Variants in SLC16A12 observed in about 807,000 individuals in gnomAD.
The protein encoded by SLC16A12 is monocarboxylate transporter 12.
SLC16A12 carries 17 observed loss-of-function variants against 42.4 expected under a neutral mutation model. That is an observed-to-expected ratio of 0.40 (90% CI 0.27 to 0.60). SLC16A12 has a LOEUF of 0.60. Among genes scored for constraint, SLC16A12 ranks in the 20% least tolerant of loss-of-function variants. The pLI, the probability that SLC16A12 is intolerant of heterozygous loss-of-function variation, is 0.42. For missense variants in SLC16A12, 544 were observed against 623.0 expected (o/e 0.87, Z 1.35); for synonymous variants, 224 against 229.4 (o/e 0.98, Z 0.21).
rs1448744299 is a variant in SLC16A12, at chr10:89,438,663, G to T, written c.969C>A (p.Ser323=). 2 of 1,613,964 alleles carry T rather than the reference G, an allele frequency of 1.2e-6. No individual in the cohort carries two copies. The highest frequency in any genetic ancestry group is 2.2e-5 in the South Asian group (2 of 91,064). The change falls in exon 6 of 8, where the codon TCC becomes TCA. Residue 323 remains serine, a synonymous_variant. Coordinates refer to ENST00000371790, the MANE Select transcript of SLC16A12 (RefSeq NM_213606.4). ...VSHQQAAFLM[S]ILGVIDIIGN... ...CAATAATGTCAATCACTCCAAGTAT[G>T]GACATAAGAAAAGCAGCTTGCTGAT...
At chr10:89,487,995 T>TAC (rs1554829904) in intron 2 of SLC16A12, among the ~76,000 whole-genome samples, 15,237 of 122,108 alleles carry the variant, frequency 0.12, 998 homozygotes, top group South Asian at 0.19. Flanking sequence ...TATATATATA[T>TAC]ACACACACAC....
chr10:89,532,238 C>CGGTAAAT (rs1228957836), intron 2 of SLC16A12, among the ~76,000 whole-genome samples: 2 of 152,008 alleles, frequency 1.3e-5, no homozygotes, highest in Non-Finnish European at 2.9e-5. Flanking sequence ...CGTCAATGCG[C>CGGTAAAT]GGTAAATGAA....
intron 2 of SLC16A12, among the ~76,000 whole-genome samples, chr10:89,485,813 T>TA (rs1448516859): frequency 6.3e-5 from 8 of 126,694 alleles, no homozygotes; most frequent in African/African-American, 2.4e-4. Context: ...CTGGGGAAGT[T>TA]AAAGAAATTA....
upstream of SLC16A12, among the ~76,000 whole-genome samples, chr10:89,538,454 T>C (rs1843693935): frequency 6.6e-6 from 1 of 152,214 alleles, no homozygotes; most frequent in Non-Finnish European, 1.5e-5. Context: ...TTTCAAGTGC[T>C]TCACTCCAAG....
intron 2 of SLC16A12, among the ~76,000 whole-genome samples, chr10:89,499,833 A>G (rs1008456663): frequency 6.6e-6 from 1 of 152,192 alleles, no homozygotes; most frequent in African/African-American, 2.4e-5. Context: ...AAACAAAAAA[A>G]ATACGAAAGA....
At chr10:89,482,920 T>A (rs1457875227) in intron 2 of SLC16A12, among the ~76,000 whole-genome samples, 1 of 152,212 alleles carries the variant, frequency 6.6e-6, no homozygotes, top group Non-Finnish European at 1.5e-5. Flanking sequence ...CCTAGTTGCT[T>A]AGCCGGGCTC....
intron 2 of SLC16A12, among the ~76,000 whole-genome samples, chr10:89,549,261 G>A (rs1391841482): frequency 6.6e-6 from 1 of 152,124 alleles, no homozygotes; most frequent in African/African-American, 2.4e-5. Flanking sequence ...TACACATAAG[G>A]CATCCAGATA....
intron 3 of SLC16A12, among the ~76,000 whole-genome samples, chr10:89,449,891 A>AG (rs1842064812): frequency 6.6e-6 from 1 of 152,216 alleles, no homozygotes; most frequent in Admixed American, 6.5e-5. Flanking sequence ...GAATCTACAA[A>AG]GAACTTCAAC....
intron 2 of SLC16A12, among the ~76,000 whole-genome samples, chr10:89,518,597 T>G (rs1204236089): frequency 2.6e-5 from 4 of 152,126 alleles, no homozygotes; most frequent in Admixed American, 2.6e-4. Context: ...AATTCAAATC[T>G]GGAAAAAGAA....
At chr10:89,481,575 GGATA>G (rs1390052961) in intron 2 of SLC16A12, among the ~76,000 whole-genome samples, 2 of 151,224 alleles carry the variant, frequency 1.3e-5, no homozygotes, top group East Asian at 1.9e-4. Context: ...ATCTATTGAT[GGATA>G]GATAAACTGT....
At chr10:89,536,563 C>A (rs1425101653), upstream of SLC16A12, among the ~76,000 whole-genome samples, 3 of 152,034 alleles carry the variant, frequency 2.0e-5, no homozygotes, top group East Asian at 1.9e-4. Context: ...ACGTACCCCA[C>A]GTAGGACAGG....
Position 89,479,252 on chromosome 10 carries a change from C to T in SLC16A12, c.-46-16628G>A, listed in dbSNP as rs554615349. On this transcript the variant is annotated intron_variant, in intron 2 of 7. Coordinates refer to ENST00000371790, the MANE Select transcript of SLC16A12 (RefSeq NM_213606.4). ...TCACTTTTCGCTGTAAGAGGGGTTGCTTATCTGTTTCCTTGGGAGAAATCA... is the reference window on the plus strand; with the variant it reads ...TCACTTTTCGCTGTAAGAGGGGTTGTTTATCTGTTTCCTTGGGAGAAATCA... Among the ~76,000 whole-genome samples, 11 of 151,922 alleles carry T rather than the reference C, an allele frequency of 7.2e-5. No individual in the cohort carries two copies. In the South Asian group the frequency reaches 2.3e-3, roughly 32 times the overall value.
chr10:89,519,877 G>T (rs969935507), intron 2 of SLC16A12, among the ~76,000 whole-genome samples: 1 of 152,172 alleles, frequency 6.6e-6, no homozygotes, highest in African/African-American at 2.4e-5. Flanking sequence ...CACTTTGGGA[G>T]GCTGAGGCGG....
At chr10:89,436,907 A>AGAAG (rs1491170023) in intron 6 of SLC16A12, among the ~76,000 whole-genome samples, 95 of 149,108 alleles carry the variant, frequency 6.4e-4, no homozygotes, top group African/African-American at 2.3e-3. Flanking sequence ...AAAGAAAGAA[A>AGAAG]GAAAGAAAAA....
At chr10:89,487,683 G>A (rs537791838) in intron 2 of SLC16A12, among the ~76,000 whole-genome samples, 9 of 150,284 alleles carry the variant, frequency 6.0e-5, no homozygotes, top group Non-Finnish European at 1.2e-4. Flanking sequence ...GTGGTGGTGC[G>A]CGCCTGTAGC....
chr10:89,461,992 A>T (rs1262863338), intron 3 of SLC16A12, among the ~76,000 whole-genome samples: 5 of 152,234 alleles, frequency 3.3e-5, no homozygotes, highest in African/African-American at 1.2e-4. Context: ...GGAGCTGCTT[A>T]TGAAAATGAA....
intron 3 of SLC16A12, among the ~76,000 whole-genome samples, chr10:89,456,637 A>T (rs921004352): frequency 1.3e-5 from 2 of 151,958 alleles, no homozygotes; most frequent in African/African-American, 4.8e-5. Flanking sequence ...TGCACCTATC[A>T]ACCCATCACC....
At chr10:89,489,955 A>C (rs781145914) in intron 2 of SLC16A12, among the ~76,000 whole-genome samples, 1 of 152,220 alleles carries the variant, frequency 6.6e-6, no homozygotes, top group Non-Finnish European at 1.5e-5. Context: ...CAAACTGAAC[A>C]ATGTATTTCT....
chr10:89,503,953 T>A (rs73373256), intron 2 of SLC16A12, among the ~76,000 whole-genome samples: 8,094 of 152,204 alleles, frequency 0.053, 437 homozygotes, highest in African/African-American at 0.13. Flanking sequence ...CTGCAAGAAA[T>A]CAGCACAAGG....
Sources: gnomAD v4.1 joint callset for allele counts (sites outside exome capture counted in the v4.1 genomes callset) on GRCh38, gnomAD v4.1.1 for gene constraint, MANE v1.5 for transcripts, NCBI Gene and HGNC (gene_info 2026-07-23, HGNC 2026-07-21) for gene names.